Variants in TARBP1 observed in about 807,000 individuals in gnomAD.
TARBP1 encodes the protein tRNA guanosine 2 -O-methyltransferase TARBP1.
In TARBP1, 144 loss-of-function variants were observed where a neutral mutation model predicts 178.6. That is an observed-to-expected ratio of 0.81 (90% CI 0.70 to 0.93). The LOEUF (loss-of-function observed/expected upper bound fraction) is 0.93. TARBP1 is among the 40% of genes least tolerant of loss of function. TARBP1 has a pLI of 0.00. For missense variants in TARBP1, 2,067 were observed against 2,011.7 expected (o/e 1.03, Z -0.53); for synonymous variants, 787 against 781.0 (o/e 1.01, Z -0.13).
At chr1:234,402,583 GT>G (rs371063563) in intron 24 of TARBP1, among the ~76,000 whole-genome samples, 22 of 147,394 alleles carry the variant, frequency 1.5e-4, no homozygotes, top group African/African-American at 2.2e-4. Flanking sequence ...TTGTTTGTTT[GT>G]TTTTTTTTTG....
At chr1:234,399,233 A>C (rs892501420) in intron 25 of TARBP1, among the ~76,000 whole-genome samples, 1 of 152,260 alleles carries the variant, frequency 6.6e-6, no homozygotes, top group South Asian at 2.1e-4. Context: ...GTACATAGGA[A>C]GCAGAGGTCC....
At position 234,478,605 on chromosome 1, in the gene TARBP1, C is replaced by T. The variant is rs1669816257; in HGVS notation, c.499G>A (p.Ala167Thr). The change falls in exon 1 of 30, where the codon GCC becomes ACC. Residue 167 changes from alanine to threonine, a missense_variant. Transcript: ENST00000040877. Reference protein sequence around the residue: ...GPLLERVAGTAVALALGGGGD... With the variant: ...GPLLERVAGTTVALALGGGGD... ...CCCCCGCCCAGCGCCAGGGCGACGGCGGTCCCCGCCACGCGCTCCAGTAGC... is the reference window on the plus strand; with the variant it reads ...CCCCCGCCCAGCGCCAGGGCGACGGTGGTCCCCGCCACGCGCTCCAGTAGC... 2 of 1,299,528 alleles carry T rather than the reference C, an allele frequency of 1.5e-6. No individual in the cohort carries two copies. Among genetic ancestry groups the T allele is most frequent in the Non-Finnish European group, 9.8e-7 (1 of 1,025,468 alleles). The allele number at this position is 1,299,528 out of a possible 1,614,324, so 80.5% of individuals were successfully genotyped here. A position where few individuals can be genotyped will look rare whatever the true frequency, so the allele number is the denominator to read the frequency against.
Position 234,472,699 on chromosome 1 carries a change from T to C in TARBP1, c.1029+15A>G. On this transcript the variant is annotated intron_variant, in intron 2 of 29. Transcript: ENST00000040877. ...TTATCTACTGTAGGATTTGCTAAAATAGAAAAACACTTACCTGATTTCCTT... is the reference window on the plus strand; with the variant it reads ...TTATCTACTGTAGGATTTGCTAAAACAGAAAAACACTTACCTGATTTCCTT... 1 of 1,542,986 alleles carries C rather than the reference T, an allele frequency of 6.5e-7. No individual in the cohort carries two copies. The highest frequency in any genetic ancestry group is 8.8e-7 in the Non-Finnish European group (1 of 1,141,472).
At chr1:234,418,464 C>T (rs961962171) in intron 21 of TARBP1, among the ~76,000 whole-genome samples, 1 of 152,206 alleles carries the variant, frequency 6.6e-6, no homozygotes. Context: ...GAAGGTTATC[C>T]ATCACCTGTA....
At chr1:234,433,942 CA>C (rs1490435600) in intron 13 of TARBP1, among the ~76,000 whole-genome samples, 1 of 152,144 alleles carries the variant, frequency 6.6e-6, no homozygotes, top group Non-Finnish European at 1.5e-5. Flanking sequence ...CCACTGTTTA[CA>C]AAAATCACTT....
At chr1:234,437,048 G>T (rs1665097595) in intron 13 of TARBP1, among the ~76,000 whole-genome samples, 1 of 152,178 alleles carries the variant, frequency 6.6e-6, no homozygotes, top group Admixed American at 6.5e-5. Context: ...TGTAAATGGG[G>T]TGAGGCTCAG....
At chr1:234,415,244 G>C (rs1662293266) in intron 22 of TARBP1, among the ~76,000 whole-genome samples, 1 of 152,288 alleles carries the variant, frequency 6.6e-6, no homozygotes, top group African/African-American at 2.4e-5. Context: ...CAGGAGGGAA[G>C]AGGGCCAAAG....
intron 1 of TARBP1, 87 bp from the exon 2 acceptor site, chr1:234,472,898 C>T: frequency 1.0e-6 from 1 of 955,952 alleles, no homozygotes; most frequent in Non-Finnish European, 1.6e-6. Flanking sequence ...AATAATGCCA[C>T]TATTACCAAA....
In TARBP1 at chr1:234,391,700, G is replaced by T; in HGVS notation, c.4743C>A (p.Asp1581Glu). ...CCTGTTGAGGAATTTCCACACAAAC[G>T]TCCAACTGTTGGATCAGATTTGCTG... ...GIPANLIQQLDVCVEIPQQGI... is the reference protein window; with the variant it reads ...GIPANLIQQLEVCVEIPQQGI... The change falls in exon 30 of 30, where the codon GAC becomes GAA. Residue 1581 changes from aspartate to glutamate, a missense_variant. Physicochemically the swap from Asp to Glu is conservative, Grantham distance 45. Transcript: ENST00000040877. 6.2e-7 allele frequency: 1 copy of T among 1,613,560 alleles called. No homozygotes were observed.
chr1:234,469,660 A>G (rs949852652), intron 3 of TARBP1, among the ~76,000 whole-genome samples: 3 of 152,266 alleles, frequency 2.0e-5, no homozygotes, highest in South Asian at 2.1e-4. Context: ...TCTCATGTGT[A>G]AACACAATAA....
rs545797103 is a variant in TARBP1, at chr1:234,402,579, GT to G, written c.3990-1318del. ...TCCTATCCACATTTGGACTTTGTTT[GT>G]TTGTTTTTTTTTTGAGACAGGGTCT... On this transcript the variant is annotated intron_variant, in intron 24 of 29. Coordinates refer to ENST00000040877, the MANE Select transcript of TARBP1 (RefSeq NM_005646.4). Among the ~76,000 whole-genome samples, 537 of 151,222 alleles carry G rather than the reference GT, an allele frequency of 3.6e-3. 1 individual carries two copies. The highest frequency in any genetic ancestry group is 0.028 in the South Asian group (135 of 4,792).
intron 6 of TARBP1, among the ~76,000 whole-genome samples, chr1:234,462,613 C>T (rs367990602): frequency 2.5e-4 from 35 of 141,748 alleles, no homozygotes; most frequent in East Asian, 1.8e-3. Context: ...CACTTGAACC[C>T]GGGAGGCGGA....
chr1:234,427,205 T>A, intron 19 of TARBP1, 112 bp downstream of exon 19: 1 of 666,802 alleles, frequency 1.5e-6, no homozygotes, highest in Non-Finnish European at 2.5e-6. Context: ...CCCATCTTAT[T>A]AATATATTAG....
intron 24 of TARBP1, among the ~76,000 whole-genome samples, chr1:234,404,133 T>G (rs1289477136): frequency 6.6e-6 from 1 of 152,192 alleles, no homozygotes; most frequent in African/African-American, 2.4e-5. Context: ...ACCAACAAAT[T>G]TAGAATAGGA....
intron 22 of TARBP1, among the ~76,000 whole-genome samples, chr1:234,413,108 T>C (rs1039996): frequency 0.16 from 24,180 of 152,098 alleles, 2,149 homozygotes; most frequent in East Asian, 0.32. Flanking sequence ...CCAGAGCTGC[T>C]CCTGCCATTG....
chr1:234,468,871 C>A (rs566788010), intron 3 of TARBP1, among the ~76,000 whole-genome samples: 1 of 151,754 alleles, frequency 6.6e-6, no homozygotes, highest in African/African-American at 2.4e-5. Context: ...ATAAGACAGG[C>A]CTTCCCTGAC....
chr1:234,460,207 T>C lies in TARBP1; in HGVS notation c.1535+54A>G, dbSNP rs551782868. 2.5e-5 allele frequency: 39 copies of C among 1,539,208 alleles called. 1 individual carries two copies. The South Asian group carries it at 3.4e-4, about 13-fold the overall frequency. The stretch of plus-strand genomic sequence containing the variant: ...TAAAGCAGAGGAGAAAATATATATA[T>C]TGATGGAAAGTCATGGCAAATAACC... On this transcript the variant is annotated intron_variant, in intron 7 of 29. Transcript: ENST00000040877.
chr1:234,435,047 G>A (rs965781277), intron 13 of TARBP1, among the ~76,000 whole-genome samples: 2 of 152,190 alleles, frequency 1.3e-5, no homozygotes, highest in African/African-American at 4.8e-5. Context: ...AGTCATTTCT[G>A]TGTTGTAACA....
chr1:234,474,337 T>C (rs568187026), intron 1 of TARBP1, among the ~76,000 whole-genome samples: 4 of 140,662 alleles, frequency 2.8e-5, no homozygotes, highest in African/African-American at 1.1e-4. Context: ...TAGAAAATCC[T>C]TAGGAGAGAA....
Sources: gnomAD v4.1 joint callset for allele counts (sites outside exome capture counted in the v4.1 genomes callset) on GRCh38, gnomAD v4.1.1 for gene constraint, MANE v1.5 for transcripts, NCBI Gene and HGNC (gene_info 2026-07-23, HGNC 2026-07-21) for gene names.